The following KIRREL3 variants were observed in gnomAD, a reference collection of about 807,000 sequenced individuals.
The protein encoded by KIRREL3 is kin of IRRE-like protein 3.
Under a neutral mutation model 89.7 loss-of-function variants are expected in KIRREL3, and 36 were observed. That is an observed-to-expected ratio of 0.40 (90% CI 0.31 to 0.53). KIRREL3 has a LOEUF of 0.53. Ranked by LOEUF, KIRREL3 falls within the 20% of genes least tolerant of loss-of-function variation. The probability of loss-of-function intolerance (pLI) is 0.49; values close to 1 mark genes in which losing one functional copy is unlikely to be tolerated. For synonymous variants in KIRREL3, 445 were observed against 441.4 expected, an observed-to-expected ratio of 1.01 and a Z score of -0.10; for missense variants, 864 against 1,056.6, an observed-to-expected ratio of 0.82 and a Z score of 2.53.
chr11:126,552,312 TAA>T (rs1240623524), intron 2 of KIRREL3, among the ~76,000 whole-genome samples: 1 of 152,176 alleles, frequency 6.6e-6, no homozygotes, highest in Non-Finnish European at 1.5e-5. Context: ...GAAGGTTACG[TAA>T]GTTCCAAACG....
At chr11:126,979,463 G>C (rs968707169) in intron 1 of KIRREL3, among the ~76,000 whole-genome samples, 2 of 152,132 alleles carry the variant, frequency 1.3e-5, no homozygotes, top group African/African-American at 4.8e-5. Context: ...ATTGATTTGC[G>C]GGAAATTCAT....
intron 13 of KIRREL3, among the ~76,000 whole-genome samples, chr11:126,434,058 G>A (rs1371878949): frequency 6.6e-6 from 1 of 152,238 alleles, no homozygotes; most frequent in Non-Finnish European, 1.5e-5. Flanking sequence ...GTGGGGGCGA[G>A]TGCCCCGGGG....
rs1941944073 is a variant in KIRREL3 at position 126,587,892 on chromosome 11, T to TG, written c.56-24981dup. Among the ~76,000 whole-genome samples, 1 of 152,192 alleles carries TG rather than the reference T, an allele frequency of 6.6e-6. No individual in the cohort carries two copies. The highest frequency in any genetic ancestry group is 1.5e-5 in the Non-Finnish European group (1 of 68,034). ...AGAGTGAGTGAATGCAAGGAATGAATGACTCTAAGGAGAGCTGGGCCCTGG... is the reference window on the plus strand; with the variant it reads ...AGAGTGAGTGAATGCAAGGAATGAATGGACTCTAAGGAGAGCTGGGCCCTGG... On this transcript the variant is annotated intron_variant, in intron 1 of 16. Transcript: ENST00000525144. This position sits in a 1 kb window ranked among gnomAD's most constrained non-coding sequence, Gnocchi z 5.2.
Position 126,736,020 on chromosome 11 carries a change from C to T in KIRREL3, c.56-173108G>A, listed in dbSNP as rs933121837. 6.6e-6 allele frequency among the ~76,000 whole-genome samples: 1 copy of T among 152,316 alleles called. No homozygotes were observed. Among genetic ancestry groups the T allele is most frequent in the African/African-American group, 2.4e-5 (1 of 41,590 alleles). ...TTTATGAATCCTCAATTAGTCCTGA[C>T]TTTGCTTGAGAGTTTTTATGAAACT... On this transcript the variant is annotated intron_variant, in intron 1 of 16. Coordinates refer to ENST00000525144, the MANE Select transcript of KIRREL3 (RefSeq NM_032531.4). The surrounding 1 kb of genome is among the most constrained non-coding windows in gnomAD (Gnocchi z 5.0).
chr11:126,921,974 T>C (rs1197152638), intron 1 of KIRREL3, among the ~76,000 whole-genome samples: 8 of 145,460 alleles, frequency 5.5e-5, no homozygotes, highest in African/African-American at 1.8e-4. Context: ...TATCTATCTA[T>C]CTATCTATCT....
At chr11:126,437,060 C>A in intron 11 of KIRREL3, 51 bp from the exon 12 acceptor site, 1 of 1,444,808 alleles carries the variant, frequency 6.9e-7, no homozygotes. Context: ...GGGCCCAGGA[C>A]ACGCCCACAC....
At position 126,530,820 on chromosome 11, in the gene KIRREL3, T is replaced by C. The variant is rs1009081182; in HGVS notation, c.134-4133A>G. 1.2e-4 allele frequency among the ~76,000 whole-genome samples: 19 copies of C among 152,032 alleles called. No homozygotes were observed. Among genetic ancestry groups the C allele is most frequent in the African/African-American group, 4.3e-4 (18 of 41,420 alleles). ...CGGCCGGTGCAATCTCCCCTTCCCATACTTTATTTTTATTTTTCTTTTTTT... is the reference window on the plus strand; with the variant it reads ...CGGCCGGTGCAATCTCCCCTTCCCACACTTTATTTTTATTTTTCTTTTTTT... On this transcript the variant is annotated intron_variant, in intron 2 of 16. Coordinates refer to ENST00000525144, the MANE Select transcript of KIRREL3 (RefSeq NM_032531.4). The surrounding 1 kb of genome is among the most constrained non-coding windows in gnomAD (Gnocchi z 5.8).
At chr11:126,674,957 C>T (rs140251745) in intron 1 of KIRREL3, among the ~76,000 whole-genome samples, 4 of 152,154 alleles carry the variant, frequency 2.6e-5, no homozygotes, top group African/African-American at 9.7e-5. Context: ...TCGTGTTAAC[C>T]AATAAGCACC....
At chr11:126,968,204 C>A (rs185660049) in intron 1 of KIRREL3, among the ~76,000 whole-genome samples, 3 of 152,260 alleles carry the variant, frequency 2.0e-5, no homozygotes, top group Admixed American at 2.0e-4. Flanking sequence ...TACAAGCTGA[C>A]AAACATGCTT....
chr11:126,661,099 A>G (rs959624613), intron 1 of KIRREL3, among the ~76,000 whole-genome samples: 12 of 152,198 alleles, frequency 7.9e-5, no homozygotes, highest in African/African-American at 2.4e-4. Flanking sequence ...AAACCAAAAC[A>G]TACTAAGAAA....
Position 126,669,531 on chromosome 11 carries a change from T to TA in KIRREL3, c.56-106620dup, listed in dbSNP as rs1383714635. ...TAGATTTTTAACTTCTGGTTCGGAC[T>TA]AATACATCTTTTCCAGTGCATGGGT... On this transcript the variant is annotated intron_variant, in intron 1 of 16. Transcript: ENST00000525144. The surrounding 1 kb of genome is among the most constrained non-coding windows in gnomAD (Gnocchi z 5.0). 3.3e-5 allele frequency among the ~76,000 whole-genome samples: 5 copies of TA among 152,230 alleles called. No homozygotes were observed. Among genetic ancestry groups the TA allele is most frequent in the Admixed American group, 3.3e-4 (5 of 15,290 alleles).
Position 126,641,073 on chromosome 11 carries a change from CT to C in KIRREL3, c.56-78162del, listed in dbSNP as rs1944451092. Among the ~76,000 whole-genome samples the C allele has an allele frequency of 1.3e-5, 2 of 152,158 alleles. No individual in the cohort carries two copies. Among genetic ancestry groups the C allele is most frequent in the African/African-American group, 4.8e-5 (2 of 41,422 alleles). ...CTGGTCTTCTCCCACAGGCCTGCCC[CT>C]CTCACGGTCTTCTTCATCTTTGAAG... On this transcript the variant is annotated intron_variant, in intron 1 of 16. Transcript: ENST00000525144. This position sits in a 1 kb window ranked among gnomAD's most constrained non-coding sequence, Gnocchi z 5.0.
rs1591575314 is a variant in KIRREL3 at position 126,459,251 on chromosome 11, A to G, written c.743-2797T>C. Among the ~76,000 whole-genome samples, 1 of 152,050 alleles carries G rather than the reference A, an allele frequency of 6.6e-6. No individual in the cohort carries two copies. The highest frequency in any genetic ancestry group is 2.1e-4 in the South Asian group (1 of 4,822). ...CTTCCCTCACCTGGGGGTCTTTTCTAAAGTGATGAGGTCTGAGAGGCAGGG... is the reference window on the plus strand; with the variant it reads ...CTTCCCTCACCTGGGGGTCTTTTCTGAAGTGATGAGGTCTGAGAGGCAGGG... On this transcript the variant is annotated intron_variant, in intron 6 of 16. Coordinates refer to ENST00000525144, the MANE Select transcript of KIRREL3 (RefSeq NM_032531.4). The surrounding 1 kb of genome is among the most constrained non-coding windows in gnomAD (Gnocchi z 4.8).
intron 1 of KIRREL3, among the ~76,000 whole-genome samples, chr11:126,888,420 C>T (rs911341699): frequency 6.6e-6 from 1 of 152,168 alleles, no homozygotes; most frequent in African/African-American, 2.4e-5. Context: ...AGGCTGCCTA[C>T]AAATCAGGGA....
In KIRREL3 at chr11:126,879,763, C is replaced by T. The variant is rs939839241; in HGVS notation, c.55+120692G>A. On this transcript the variant is annotated intron_variant, in intron 1 of 16. Transcript: ENST00000525144. This position sits in a 1 kb window ranked among gnomAD's most constrained non-coding sequence, Gnocchi z 5.4. ...GAATTATCCTTTGGCCAAGAGACCA[C>T]TTAGAGGAATGGTAAAGGACATCTC... Among the ~76,000 whole-genome samples the T allele has an allele frequency of 6.6e-6, 1 of 152,208 alleles. No homozygotes were observed. The highest frequency in any genetic ancestry group is 1.5e-5 in the Non-Finnish European group (1 of 68,046).
Position 126,578,898 on chromosome 11 carries a change from C to G in KIRREL3, c.56-15986G>C, listed in dbSNP as rs189987589. On this transcript the variant is annotated intron_variant, in intron 1 of 16. Transcript: ENST00000525144. The surrounding 1 kb of genome is among the most constrained non-coding windows in gnomAD (Gnocchi z 4.9). ...CAGCAAGTATCTACCCTGCAAAATA[C>G]TTTTCACACACTCTCTCACTTATCC... 6.6e-6 allele frequency among the ~76,000 whole-genome samples: 1 copy of G among 152,278 alleles called. No individual in the cohort carries two copies. The highest frequency in any genetic ancestry group is 1.9e-4 in the East Asian group (1 of 5,178).
rs1270236337 is a variant in KIRREL3, at chr11:126,576,484, G to A, written c.56-13572C>T. On this transcript the variant is annotated intron_variant, in intron 1 of 16. Transcript: ENST00000525144. This position sits in a 1 kb window ranked among gnomAD's most constrained non-coding sequence, Gnocchi z 5.4. ...CCTTCCCAAGCTTCCATTTTAGACAGCTTCTATGTAGTTCCTTTCCCTTAC... is the reference window on the plus strand; with the variant it reads ...CCTTCCCAAGCTTCCATTTTAGACAACTTCTATGTAGTTCCTTTCCCTTAC... Among the ~76,000 whole-genome samples the A allele has an allele frequency of 6.6e-6, 1 of 152,206 alleles. No homozygotes were observed. The highest frequency in any genetic ancestry group is 2.4e-5 in the African/African-American group (1 of 41,448).
rs1391899856 is a variant in KIRREL3 at position 126,623,441 on chromosome 11, C to A, written c.56-60529G>T. Among the ~76,000 whole-genome samples, 8 of 152,094 alleles carry A rather than the reference C, an allele frequency of 5.3e-5. No individual in the cohort carries two copies. Among genetic ancestry groups the A allele is most frequent in the Non-Finnish European group, 1.2e-4 (8 of 68,030 alleles). On this transcript the variant is annotated intron_variant, in intron 1 of 16. Coordinates refer to ENST00000525144, the MANE Select transcript of KIRREL3 (RefSeq NM_032531.4). This position sits in a 1 kb window ranked among gnomAD's most constrained non-coding sequence, Gnocchi z 4.1. Reference sequence around the variant, plus strand: ...TGCTCCTTCACTGTAAGTCCAAGTTCTTTGAAGGAAGGAACTATGTTGGTA... The same window carrying A: ...TGCTCCTTCACTGTAAGTCCAAGTTATTTGAAGGAAGGAACTATGTTGGTA...
Position 126,474,307 on chromosome 11 carries a change from C to T in KIRREL3, c.434-841G>A, listed in dbSNP as rs1957006341. 6.6e-6 allele frequency among the ~76,000 whole-genome samples: 1 copy of T among 152,228 alleles called. No homozygotes were observed. Among genetic ancestry groups the T allele is most frequent in the Non-Finnish European group, 1.5e-5 (1 of 68,050 alleles). On this transcript the variant is annotated intron_variant, in intron 4 of 16. Coordinates refer to ENST00000525144, the MANE Select transcript of KIRREL3 (RefSeq NM_032531.4). This position sits in a 1 kb window ranked among gnomAD's most constrained non-coding sequence, Gnocchi z 6.7. ...CTGCTGTCTGAGTTAGTCCTCACAACAGTCTGGTGAGGTCAACATTACCAC... is the reference window on the plus strand; with the variant it reads ...CTGCTGTCTGAGTTAGTCCTCACAATAGTCTGGTGAGGTCAACATTACCAC...
Sources: allele counts gnomAD v4.1 joint callset (sites outside exome capture counted in the v4.1 genomes callset), GRCh38; gene constraint gnomAD v4.1.1; non-coding constraint Gnocchi (gnomAD v3.1); transcripts MANE v1.5; gene names NCBI Gene and HGNC (gene_info 2026-07-23, HGNC 2026-07-21).